The following WDR35 variants were observed in gnomAD, a reference collection of about 807,000 sequenced individuals.
The protein encoded by WDR35 is WD repeat-containing protein 35.
In WDR35, 118 loss-of-function variants were observed where a neutral mutation model predicts 158.3. The observed-to-expected ratio is 0.75, with a 90% confidence interval of 0.64 to 0.87. WDR35 has a LOEUF of 0.87. Ranked by LOEUF, WDR35 falls within the 40% of genes least tolerant of loss-of-function variation. The pLI is 0.00. For synonymous variants in WDR35, 448 were observed against 476.1 expected (o/e 0.94, Z 0.77); for missense variants, 1,263 against 1,405.8 (o/e 0.90, Z 1.62).
chr2:19,969,692 G>A (rs1281196205), intron 8 of WDR35, 87 bp from the exon 9 acceptor site: 2 of 1,381,572 alleles, frequency 1.4e-6, no homozygotes, highest in Non-Finnish European at 2.0e-6. Flanking sequence ...GATCAAAAGT[G>A]GTATGAACAT....
chr2:19,980,841 A>G, intron 3 of WDR35, 58 bp from the exon 4 acceptor site: 1 of 1,446,850 alleles, frequency 6.9e-7, no homozygotes, highest in East Asian at 2.3e-5. Context: ...TCAAATTCAC[A>G]TTTTTATATA....
At chr2:19,954,036 C>A in intron 11 of WDR35, 58 bp from the exon 12 acceptor site, 2 of 1,601,520 alleles carry the variant, frequency 1.2e-6, no homozygotes, top group South Asian at 2.2e-5. Flanking sequence ...AATGCTTGTG[C>A]TGCAAAGGCC....
intron 11 of WDR35, among the ~76,000 whole-genome samples, chr2:19,957,527 A>C (rs1393462561): frequency 6.6e-6 from 1 of 151,920 alleles, no homozygotes; most frequent in Non-Finnish European, 1.5e-5. Flanking sequence ...GAAAAGAAAA[A>C]AATTTGAAAT....
At position 19,933,588 on chromosome 2, in the gene WDR35, A is replaced by G. The variant is rs1323511196; in HGVS notation, c.2548-77T>C. 3 of 1,251,372 alleles carry G rather than the reference A, an allele frequency of 2.4e-6. No homozygotes were observed. In the Admixed American group the frequency reaches 5.5e-5, roughly 23 times the overall value. 77.5% of individuals were successfully genotyped at this position (1,251,372 alleles called of 1,614,324 possible). On this transcript the variant is annotated intron_variant, in intron 21 of 26. Coordinates refer to ENST00000281405, the MANE Select transcript of WDR35 (RefSeq NM_020779.4). ...ATATTTTAATTTAACAAAACTCCGT[A>G]GGGACGTATGAGTATTAAATTTACT... is the stretch of plus-strand genomic sequence containing the variant.
Position 19,990,075 on chromosome 2 carries a change from C to G in WDR35, c.-60G>C. The G allele has an allele frequency of 1.2e-6, 2 of 1,601,954 alleles. No homozygotes were observed. Among genetic ancestry groups the G allele is most frequent in the Non-Finnish European group, 1.7e-6 (2 of 1,173,758 alleles). Reference sequence around the variant, plus strand: ...AGGCCCTCGACAAGTAACGGTTCTACGTCTCCAATCGGGAGTACCAGCAGC... The same window carrying G: ...AGGCCCTCGACAAGTAACGGTTCTAGGTCTCCAATCGGGAGTACCAGCAGC... On this transcript the variant is annotated 5_prime_UTR_variant, in exon 1 of 27. Coordinates refer to ENST00000281405, the MANE Select transcript of WDR35 (RefSeq NM_020779.4).
chr2:19,969,748 ATT>A (rs61079224), intron 8 of WDR35, 143 bp from the exon 9 acceptor site: 5,435 of 610,938 alleles, frequency 8.9e-3, no homozygotes, highest in East Asian at 0.014. Flanking sequence ...TGTTTCTTGA[ATT>A]TTTTTTTTTT....
chr2:19,952,378 C>T (rs1671267017), intron 12 of WDR35, among the ~76,000 whole-genome samples: 2 of 152,166 alleles, frequency 1.3e-5, no homozygotes, highest in African/African-American at 4.8e-5. Flanking sequence ...CTGTTATCAC[C>T]ATCATCAACT....
chr2:19,921,384 AGACCAATG>A (rs1263830165), intron 25 of WDR35, among the ~76,000 whole-genome samples: 1 of 152,222 alleles, frequency 6.6e-6, no homozygotes, highest in Non-Finnish European at 1.5e-5. Flanking sequence ...ACAGATATAT[AGACCAATG>A]GAACAGAATA....
At chr2:19,987,808 A>C (rs1186603373) in intron 2 of WDR35, among the ~76,000 whole-genome samples, 1 of 133,786 alleles carries the variant, frequency 7.5e-6, no homozygotes, top group Non-Finnish European at 1.5e-5. Context: ...TGGGCAACAG[A>C]GCGAAACTCT....
chr2:19,967,879 T>C (rs969241386), intron 9 of WDR35, among the ~76,000 whole-genome samples: 3 of 152,204 alleles, frequency 2.0e-5, no homozygotes, highest in African/African-American at 7.2e-5. Flanking sequence ...ATATTACTAT[T>C]ACTATTAAGT....
At chr2:19,936,083 G>C in intron 20 of WDR35, 136 bp downstream of exon 20, 1 of 1,390,866 alleles carries the variant, frequency 7.2e-7, no homozygotes, top group Non-Finnish European at 9.8e-7. Flanking sequence ...GGCTTTCCAA[G>C]ATGAATCTAG....
In WDR35 at chr2:19,990,064, T is replaced by C; in HGVS notation, c.-49A>G. The C allele has an allele frequency of 6.2e-7, 1 of 1,609,150 alleles. No homozygotes were observed. Among genetic ancestry groups the C allele is most frequent in the Non-Finnish European group, 8.5e-7 (1 of 1,177,690 alleles). On this transcript the variant is annotated 5_prime_UTR_variant, in exon 1 of 27. Coordinates refer to ENST00000281405, the MANE Select transcript of WDR35 (RefSeq NM_020779.4). ...GGCGGCCGCTAAGGCCCTCGACAAG[T>C]AACGGTTCTACGTCTCCAATCGGGA...
chr2:19,977,080 C>T (rs951668944), intron 5 of WDR35, among the ~76,000 whole-genome samples: 2 of 152,182 alleles, frequency 1.3e-5, no homozygotes, highest in Non-Finnish European at 1.5e-5. Flanking sequence ...AATCCTCCCG[C>T]CTTGGCTTCC....
intron 13 of WDR35, among the ~76,000 whole-genome samples, chr2:19,949,737 CA>C (rs1671174712): frequency 6.6e-6 from 1 of 152,078 alleles, no homozygotes; most frequent in Non-Finnish European, 1.5e-5. Context: ...AATGGTAGAC[CA>C]AACTGATACA....
Position 19,946,566 on chromosome 2 carries a change from C to T in WDR35, c.1529G>A (p.Arg510His), listed in dbSNP as rs763031783. ...GTATCTCTGAATGGTGCCAGATTCA[C>T]GACCCTATGGAAATTACTTTTGATT... ...TASDKILIVGRESGTIQRYSL... is the reference protein window; with the variant it reads ...TASDKILIVGHESGTIQRYSL... The change falls in exon 15 of 27, where the codon CGT becomes CAT. Residue 510 changes from arginine (R) to histidine (H), a missense_variant. Physicochemically the swap from Arg to His is conservative, Grantham distance 29 (BLOSUM62 0). Coordinates refer to ENST00000281405, the MANE Select transcript of WDR35 (RefSeq NM_020779.4). 2.5e-5 allele frequency: 40 copies of T among 1,613,174 alleles called. 1 individual carries two copies. Among genetic ancestry groups the T allele is most frequent in the South Asian group, 1.3e-4 (12 of 91,062 alleles).
intron 8 of WDR35, among the ~76,000 whole-genome samples, chr2:19,971,678 C>A (rs1254141608): frequency 6.6e-6 from 1 of 152,182 alleles, no homozygotes. Context: ...AGGGTCTGAT[C>A]TATCTGTCTT....
chr2:19,947,591 G>GCTT (rs1671099840), intron 14 of WDR35, among the ~76,000 whole-genome samples: 1 of 152,066 alleles, frequency 6.6e-6, no homozygotes, highest in African/African-American at 2.4e-5. Flanking sequence ...TTTGCCATAG[G>GCTT]CTTCTCTATT....
intron 25 of WDR35, among the ~76,000 whole-genome samples, chr2:19,923,488 G>C (rs1477893600): frequency 6.6e-6 from 1 of 152,208 alleles, no homozygotes; most frequent in Non-Finnish European, 1.5e-5. Flanking sequence ...AGAGTATAAC[G>C]AAGTAACAGA....
intron 16 of WDR35, among the ~76,000 whole-genome samples, chr2:19,942,128 C>A (rs1361310394): frequency 3.9e-5 from 6 of 152,152 alleles, no homozygotes; most frequent in African/African-American, 1.4e-4. Context: ...TCTTACATGG[C>A]CACATTACTA....
Sources: gnomAD v4.1 joint callset for allele counts (sites outside exome capture counted in the v4.1 genomes callset) on GRCh38, gnomAD v4.1.1 for gene constraint, MANE v1.5 for transcripts, NCBI Gene and HGNC (gene_info 2026-07-23, HGNC 2026-07-21) for gene names.